The following SLC2A13 variants were observed in gnomAD, a reference collection of about 807,000 sequenced individuals.
SLC2A13 encodes the protein solute carrier family 2 member 13, also known as proton myo-inositol cotransporter.
Under a neutral mutation model 64.4 loss-of-function variants are expected in SLC2A13, and 32 were observed. The ratio of observed to expected loss-of-function variants is 0.50; its 90% CI spans 0.37 to 0.67. The LOEUF (loss-of-function observed/expected upper bound fraction) is 0.67. SLC2A13 is among the 30% of genes least tolerant of loss of function. The pLI, the probability that SLC2A13 is intolerant of heterozygous loss-of-function variation, is 0.00. For synonymous variants in SLC2A13, 338 were observed against 327.1 expected, an observed-to-expected ratio of 1.03 and a Z score of -0.36; for missense variants, 743 against 829.2, an observed-to-expected ratio of 0.90 and a Z score of 1.28.
intron 9 of SLC2A13, among the ~76,000 whole-genome samples, chr12:39,763,689 C>T (rs1428960578): frequency 2.0e-5 from 3 of 152,076 alleles, no homozygotes; most frequent in Non-Finnish European, 1.5e-5. Flanking sequence ...CCGTCTCTAC[C>T]ACATGGACTT....
intron 7 of SLC2A13, among the ~76,000 whole-genome samples, chr12:39,784,575 C>A (rs1168980603): frequency 6.6e-6 from 1 of 152,128 alleles, no homozygotes; most frequent in Non-Finnish European, 1.5e-5. Flanking sequence ...AACATTAATT[C>A]AAAATGGATT....
chr12:40,053,346 C>T (rs1948289673), intron 1 of SLC2A13, among the ~76,000 whole-genome samples: 1 of 151,598 alleles, frequency 6.6e-6, no homozygotes, highest in Non-Finnish European at 1.5e-5. Context: ...TTTATTATCC[C>T]CCTATGAAAG....
chr12:39,879,257 T>C (rs186425091), intron 4 of SLC2A13, among the ~76,000 whole-genome samples: 107 of 152,190 alleles, frequency 7.0e-4, no homozygotes, highest in African/African-American at 2.5e-3. Context: ...CAAGGGGAAA[T>C]GTGGGGTTGA....
intron 3 of SLC2A13, among the ~76,000 whole-genome samples, chr12:40,006,382 C>T (rs1343430213): frequency 6.6e-6 from 1 of 152,154 alleles, no homozygotes; most frequent in African/African-American, 2.4e-5. Context: ...TTAGCCTCCA[C>T]TTCTCCTCCA....
At chr12:40,022,980 T>G (rs1947746581) in intron 3 of SLC2A13, among the ~76,000 whole-genome samples, 1 of 152,210 alleles carries the variant, frequency 6.6e-6, no homozygotes, top group South Asian at 2.1e-4. Flanking sequence ...TAAATAGATT[T>G]ATAAAAGGCT....
intron 9 of SLC2A13, among the ~76,000 whole-genome samples, chr12:39,760,661 G>A (rs190011963): frequency 4.7e-4 from 71 of 152,032 alleles, no homozygotes; most frequent in African/African-American, 1.5e-3. Flanking sequence ...GCACTTTGAG[G>A]TCAGAAGAAG....
At position 39,764,581 on chromosome 12, in the gene SLC2A13, A is replaced by T; in HGVS notation, c.1599T>A (p.Ser533=). The change falls in exon 9 of 10, where the codon TCT becomes TCA. Residue 533 remains serine, a synonymous_variant. Transcript: ENST00000280871. The part of the protein sequence containing the change: ...GMGPMPWTVN[S]EIYPLWARST... ...TTCTTGCCCAAAGGGGATATATTTCAGAATTCACAGTCCAAGGCATTGGTC... is the reference window on the plus strand; with the variant it reads ...TTCTTGCCCAAAGGGGATATATTTCTGAATTCACAGTCCAAGGCATTGGTC... The T allele has an allele frequency of 6.2e-7, 1 of 1,608,664 alleles. No individual in the cohort carries two copies.
Position 39,978,364 on chromosome 12 carries a change from G to T in SLC2A13, c.926-26999C>A, listed in dbSNP as rs530241719. On this transcript the variant is annotated intron_variant, in intron 3 of 9. Transcript: ENST00000280871. ...ACAGCTCCAGTCTACAGCTCCCAGCGTAAGCGATGCAGAAGACGGGTGATT... is the reference window on the plus strand; with the variant it reads ...ACAGCTCCAGTCTACAGCTCCCAGCTTAAGCGATGCAGAAGACGGGTGATT... 3.9e-5 allele frequency among the ~76,000 whole-genome samples: 6 copies of T among 152,310 alleles called. No individual in the cohort carries two copies. In the South Asian group the frequency reaches 8.3e-4, roughly 21 times the overall value.
intron 3 of SLC2A13, among the ~76,000 whole-genome samples, chr12:39,999,599 C>G (rs1026707097): frequency 6.6e-6 from 1 of 152,102 alleles, no homozygotes; most frequent in Non-Finnish European, 1.5e-5. Flanking sequence ...GCTCTCAAAC[C>G]CTGTTTTCTG....
At chr12:40,056,933 T>C (rs917584656) in intron 1 of SLC2A13, among the ~76,000 whole-genome samples, 1 of 152,016 alleles carries the variant, frequency 6.6e-6, no homozygotes, top group African/African-American at 2.4e-5. Flanking sequence ...TGAGTCGAGA[T>C]CGCGCCATTG....
chr12:39,859,544 CAG>C (rs1317156424), intron 6 of SLC2A13, among the ~76,000 whole-genome samples: 2 of 152,028 alleles, frequency 1.3e-5, no homozygotes, highest in Non-Finnish European at 2.9e-5. Context: ...CTTTTTAAGA[CAG>C]AGTCTCCCTC....
At chr12:39,969,474 T>C (rs981072916) in intron 3 of SLC2A13, among the ~76,000 whole-genome samples, 2 of 152,216 alleles carry the variant, frequency 1.3e-5, no homozygotes, top group African/African-American at 2.4e-5. Flanking sequence ...GTTTCCTGAC[T>C]TTTTAATGAT....
intron 4 of SLC2A13, among the ~76,000 whole-genome samples, chr12:39,939,376 C>T (rs1322941981): frequency 2.0e-5 from 3 of 152,184 alleles, no homozygotes; most frequent in African/African-American, 7.2e-5. Context: ...GATGAGAATG[C>T]TTTGTTTTGT....
chr12:40,008,778 A>T (rs1309091766), intron 3 of SLC2A13, among the ~76,000 whole-genome samples: 1 of 152,184 alleles, frequency 6.6e-6, no homozygotes, highest in Non-Finnish European at 1.5e-5. Context: ...CTAAAATAAC[A>T]CTATAACACC....
chr12:39,890,917 AT>A (rs1416018390), intron 4 of SLC2A13, among the ~76,000 whole-genome samples: 3 of 152,144 alleles, frequency 2.0e-5, no homozygotes, highest in African/African-American at 4.8e-5. Flanking sequence ...ATATTACATA[AT>A]TTTAATTCTG....
At chr12:39,804,115 A>G (rs1404765376) in intron 7 of SLC2A13, among the ~76,000 whole-genome samples, 1 of 152,154 alleles carries the variant, frequency 6.6e-6, no homozygotes, top group Non-Finnish European at 1.5e-5. Context: ...GCAGTTGGTT[A>G]GAGTGGTGGG....
intron 7 of SLC2A13, among the ~76,000 whole-genome samples, chr12:39,806,454 T>C (rs1329841225): frequency 6.6e-6 from 1 of 152,208 alleles, no homozygotes; most frequent in African/African-American, 2.4e-5. Flanking sequence ...ACAGGATATA[T>C]ATTTTCCCTG....
intron 3 of SLC2A13, among the ~76,000 whole-genome samples, chr12:39,992,319 T>C (rs768989841): frequency 2.3e-4 from 35 of 152,164 alleles, no homozygotes; most frequent in Non-Finnish European, 4.6e-4. Flanking sequence ...GAATATTCCA[T>C]GGATCACACC....
chr12:39,940,840 T>C (rs1946010900), intron 4 of SLC2A13, among the ~76,000 whole-genome samples: 1 of 151,246 alleles, frequency 6.6e-6, no homozygotes. Flanking sequence ...GCACCATATT[T>C]GTAGTCTCTT....
Sources: gnomAD v4.1 joint callset for allele counts (sites outside exome capture counted in the v4.1 genomes callset) on GRCh38, gnomAD v4.1.1 for gene constraint, MANE v1.5 for transcripts, NCBI Gene and HGNC (gene_info 2026-07-23, HGNC 2026-07-21) for gene names.